Variants in HDAC5 observed in about 807,000 individuals in gnomAD.
HDAC5 encodes the protein histone deacetylase 5.
Under a neutral mutation model 133.3 loss-of-function variants are expected in HDAC5, and 25 were observed. The observed-to-expected ratio is 0.19, with a 90% CI of 0.14 to 0.26. The LOEUF is 0.26. Among genes scored for constraint, HDAC5 ranks in the 10% least tolerant of loss-of-function variants. HDAC5 has a pLI of 1.00. For missense variants in HDAC5, 1,041 were observed against 1,460.5 expected (o/e 0.71, Z 4.68); for synonymous variants, 589 against 610.8 (o/e 0.96, Z 0.53).
In HDAC5 at chr17:44,117,440, C is replaced by G; in HGVS notation, c.22+54G>C. 1 of 1,596,448 alleles carries G rather than the reference C, an allele frequency of 6.3e-7. No homozygotes were observed. Among genetic ancestry groups the G allele is most frequent in the Admixed American group, 1.7e-5 (1 of 59,994 alleles). On this transcript the variant is annotated intron_variant, in intron 2 of 26. Transcript: ENST00000682912. This position sits in a 1 kb window ranked among gnomAD's most constrained non-coding sequence, Gnocchi z 4.2. ...GGCCTGGAAGGGAAACCCACACAGCCCATTGCATCCGAAGCTACCCCAGGG... is the reference window on the plus strand; with the variant it reads ...GGCCTGGAAGGGAAACCCACACAGCGCATTGCATCCGAAGCTACCCCAGGG...
At chr17:44,087,749 A>G in intron 12 of HDAC5, 53 bp from the exon 13 acceptor site, 1 of 1,514,694 alleles carries the variant, frequency 6.6e-7, no homozygotes, top group Non-Finnish European at 8.8e-7. Context: ...GCAGCTGTGC[A>G]GCCTAAAACC....
intron 14 of HDAC5, among the ~76,000 whole-genome samples, chr17:44,085,668 A>C (rs1490940172): frequency 1.3e-5 from 2 of 151,630 alleles, no homozygotes; most frequent in African/African-American, 4.9e-5. Context: ...CGCCTGGCTA[A>C]TTTTTGTATT....
Position 44,083,884 on chromosome 17 carries a change from G to T in HDAC5, c.2306-30C>A, listed in dbSNP as rs2050515857. The T allele has an allele frequency of 1.9e-6, 3 of 1,606,020 alleles. No individual in the cohort carries two copies. In the South Asian group the frequency reaches 3.3e-5, roughly 18 times the overall value. ...ATGGAAGAGGAATAGAGCTACTCTA[G>T]AAGTGGCCTCGGGCGGATCACCTGA... On this transcript the variant is annotated intron_variant, in intron 16 of 26. Transcript: ENST00000682912.
Position 44,079,153 on chromosome 17 carries a change from G to A in HDAC5, c.3069C>T (p.Leu1023=), listed in dbSNP as rs1453624083. 1 of 1,613,230 alleles carries A rather than the reference G, an allele frequency of 6.2e-7. No homozygotes were observed. Among genetic ancestry groups the A allele is most frequent in the African/African-American group, 1.3e-5 (1 of 74,896 alleles). ...CCTTCCCACCCCTTACCTCTACACT[G>A]AGCAGAGCCGAGACACAAGCCTCAG... ...DASEACVSAL[L]SVELQPLDEA... The change falls in exon 24 of 27, where the codon CTC becomes CTT. Residue 1023 remains leucine (L), a synonymous_variant. Transcript: ENST00000682912.
chr17:44,093,882 T>TC (rs986903321), intron 3 of HDAC5, 48 bp from the exon 4 acceptor site: 20 of 1,445,450 alleles, frequency 1.4e-5, no homozygotes, highest in Non-Finnish European at 1.7e-5. Context: ...AGCCCCAGAC[T>TC]CCAGTCATGC....
rs568310465 is a variant in HDAC5, at chr17:44,098,464, C to T, written c.95-4630G>A. On this transcript the variant is annotated intron_variant, in intron 3 of 26. Transcript: ENST00000682912. ...TAAAAAAAAGGGAACCTGGGCCAGG[C>T]GCAGTGGCTCATGCCTGTAATCCCA... 1.6e-3 allele frequency among the ~76,000 whole-genome samples: 244 copies of T among 152,234 alleles called. 1 individual carries two copies. Among genetic ancestry groups the T allele is most frequent in the Middle Eastern group, 3.4e-3 (1 of 294 alleles).
chr17:44,078,916 G>C (rs1171062771), intron 24 of HDAC5, 37 bp from the exon 25 acceptor site: 1 of 1,606,988 alleles, frequency 6.2e-7, no homozygotes, highest in Non-Finnish European at 8.5e-7. Flanking sequence ...AGGGTGGGGA[G>C]TAGGGTTGCC....
chr17:44,079,639 CAAAAAAAAAAAAA>C (rs773678478), intron 23 of HDAC5, among the ~76,000 whole-genome samples: 1 of 66,020 alleles, frequency 1.5e-5, no homozygotes, highest in African/African-American at 7.9e-5. Flanking sequence ...GACTCCACCT[CAAAAAAAAAAAAA>C]AAAAAAAAGA....
At chr17:44,083,518 G>T in intron 18 of HDAC5, 27 bp downstream of exon 18, 1 of 1,549,350 alleles carries the variant, frequency 6.5e-7, no homozygotes, top group South Asian at 1.1e-5. Flanking sequence ...ATGCCAAGGG[G>T]CACCGAGGTC....
Position 44,081,232 on chromosome 17 carries a change from A to G in HDAC5, c.2608-350T>C, listed in dbSNP as rs1223973602. 2.0e-5 allele frequency among the ~76,000 whole-genome samples: 3 copies of G among 152,206 alleles called. No individual in the cohort carries two copies. The South Asian group carries it at 6.2e-4, about 32-fold the overall frequency. ...AACATTAAGGCTAGTAGGGAATTTA[A>G]AACAGGCAGATGAGATTCTTTCTTT... On this transcript the variant is annotated intron_variant, in intron 20 of 26. Transcript: ENST00000682912.
intron 12 of HDAC5, 86 bp from the exon 13 acceptor site, chr17:44,087,782 C>T (rs1453582315): frequency 7.1e-7 from 1 of 1,418,218 alleles, no homozygotes; most frequent in Non-Finnish European, 9.3e-7. Flanking sequence ...TCCTTCCCTC[C>T]CTCCCTTCTT....
chr17:44,103,105 C>T (rs924233706), intron 3 of HDAC5, among the ~76,000 whole-genome samples: 1 of 152,108 alleles, frequency 6.6e-6, no homozygotes, highest in Non-Finnish European at 1.5e-5. Context: ...TGTTCTGTCT[C>T]TTGGAGATTG....
rs2050498760 is a variant in HDAC5, at chr17:44,083,548, G to A, written c.2460C>T (p.Leu820=). Residue 820 remains leucine, a synonymous_variant, in exon 18 of 27, where the codon CTC becomes CTT. Transcript: ENST00000682912. ...GAGGTCACAAGCACACGCTCACCTT[G>A]AGCTCTCCTGCAGCCACCTTGAAGG... ...ELAFKVAAGE[L]KNGFAIIRPP... 1 of 1,612,114 alleles carries A rather than the reference G, an allele frequency of 6.2e-7. No homozygotes were observed. The highest frequency in any genetic ancestry group is 1.3e-5 in the African/African-American group (1 of 74,918).
At position 44,078,810 on chromosome 17, in the gene HDAC5, C is replaced by T; in HGVS notation, c.3148G>A (p.Val1050Ile). The stretch of plus-strand genomic sequence containing the variant: ...CCTCACGCACTCTGGATCTCGATGA[C>T]TTTCTCTAGCGTGGCCACTGCGTTG... ...NINAVATLEK[V>I]IEIQSKHWSC... The change falls in exon 25 of 27, where the codon GTC becomes ATC. Residue 1050 changes from valine to isoleucine, a missense_variant. Val to Ile is a conservative substitution (Grantham distance 29). This residue lies in a region of HDAC5 where 95 missense variants were observed against 107.3 expected (regional missense o/e 0.88). Transcript: ENST00000682912. 6.2e-7 allele frequency: 1 copy of T among 1,614,176 alleles called. No individual in the cohort carries two copies. Among genetic ancestry groups the T allele is most frequent in the Non-Finnish European group, 8.5e-7 (1 of 1,180,020 alleles).
At chr17:44,093,524 C>A (rs755397898) in intron 4 of HDAC5, 39 bp from the exon 5 acceptor site, 1 of 1,598,474 alleles carries the variant, frequency 6.3e-7, no homozygotes, top group Non-Finnish European at 8.5e-7. Context: ...GTGAGCCAGG[C>A]CCGGGCGGGG....
chr17:44,101,270 T>C (rs1340730013), intron 3 of HDAC5, among the ~76,000 whole-genome samples: 3 of 149,512 alleles, frequency 2.0e-5, no homozygotes, highest in African/African-American at 2.5e-5. Flanking sequence ...CTGGGTGTGG[T>C]GGCAGGCCTG....
chr17:44,118,516 C>T (rs114967614), intron 1 of HDAC5, among the ~76,000 whole-genome samples: 1 of 152,262 alleles, frequency 6.6e-6, no homozygotes, highest in South Asian at 2.1e-4. Flanking sequence ...ACAAAAGGCC[C>T]AGCAGTAGCC....
chr17:44,091,660 C>T (rs1003582628), intron 10 of HDAC5, 40 bp downstream of exon 10: 10 of 1,520,214 alleles, frequency 6.6e-6, no homozygotes, highest in Non-Finnish European at 8.8e-6. Context: ...CCTGTGACCT[C>T]AACACCAGAG....
chr17:44,093,619 G>A lies in HDAC5; in HGVS notation c.310C>T (p.His104Tyr). The change falls in exon 4 of 27, where the codon CAC becomes TAC. Residue 104 changes from histidine to tyrosine, a missense_variant. Coordinates refer to ENST00000682912, the MANE Select transcript of HDAC5 (RefSeq NM_005474.5). ...LFAEFQKQHD[H>Y]LTRQHEVQLQ... ...TGGACCTCATGCTGCCTTGTCAGGT[G>A]GTCATGCTGTTTCTGGAACTCAGCG... is the stretch of plus-strand genomic sequence containing the variant. 1 of 1,612,534 alleles carries A rather than the reference G, an allele frequency of 6.2e-7. No individual in the cohort carries two copies. The highest frequency in any genetic ancestry group is 8.5e-7 in the Non-Finnish European group (1 of 1,179,558).
Sources: gnomAD v4.1 joint callset for allele counts (sites outside exome capture counted in the v4.1 genomes callset) on GRCh38, gnomAD v4.1.1 for gene constraint, gnomAD v4.1.1 regional missense constraint, Gnocchi (gnomAD v3.1) non-coding constraint, MANE v1.5 for transcripts, NCBI Gene and HGNC (gene_info 2026-07-23, HGNC 2026-07-21) for gene names.